The following MMAB variants were observed in gnomAD, a reference collection of about 807,000 sequenced individuals.
The protein encoded by MMAB is metabolism of cobalamin associated B, also known as corrinoid adenosyltransferase MMAB.
MMAB carries 17 observed loss-of-function variants against 30.6 expected under a neutral mutation model. The ratio of observed to expected loss-of-function variants is 0.56; its 90% CI spans 0.38 to 0.83. MMAB has a LOEUF of 0.83. Ranked by LOEUF, MMAB falls within the 40% of genes least tolerant of loss-of-function variation. The pLI is 0.00. For synonymous variants in MMAB, 134 were observed against 138.6 expected, an observed-to-expected ratio of 0.97 and a Z score of 0.23; for missense variants, 311 against 331.6, an observed-to-expected ratio of 0.94 and a Z score of 0.48.
chr12:109,569,194 G>A lies in MMAB; in HGVS notation c.197-331C>T, dbSNP rs369495797. Among the ~76,000 whole-genome samples the A allele has an allele frequency of 7.9e-5, 12 of 152,182 alleles. No homozygotes were observed. Among genetic ancestry groups the A allele is most frequent in the East Asian group, 3.9e-4 (2 of 5,180 alleles). On this transcript the variant is annotated intron_variant, in intron 2 of 8. Transcript: ENST00000545712. The surrounding 1 kb of genome is among the most constrained non-coding windows in gnomAD (Gnocchi z 4.1). ...ACTCCTGGTCTCAAGTGATTCACCC[G>A]CCTCAGCCTCCCAAAGTGCTGAGAT...
intron 3 of MMAB, chr12:109,567,022 C>T (rs1212931962): frequency 1.3e-5 from 6 of 455,706 alleles, no homozygotes; most frequent in African/African-American, 8.0e-5. Flanking sequence ...TAGTCAGGCC[C>T]GCCATGGAGA....
In MMAB at chr12:109,557,150, G is replaced by C; in HGVS notation, c.645-14C>G. On this transcript the variant is annotated splice_polypyrimidine_tract_variant and intron_variant, in intron 8 of 8. Transcript: ENST00000545712. ...TAGTCACTGAGTCTGGAGGGGCAGA[G>C]AGAGAGAAGCAAACAGAATGGTTTG... is the stretch of plus-strand genomic sequence containing the variant. 1 of 1,545,928 alleles carries C rather than the reference G, an allele frequency of 6.5e-7. No homozygotes were observed. The highest frequency in any genetic ancestry group is 8.9e-7 in the Non-Finnish European group (1 of 1,117,814).
chr12:109,561,158 C>A lies in MMAB; in HGVS notation c.520-54G>T. On this transcript the variant is annotated intron_variant, in intron 6 of 8. Transcript: ENST00000545712. The surrounding 1 kb of genome is among the most constrained non-coding windows in gnomAD (Gnocchi z 5.3). ...CAGGGTGGGAAAGGTGTGCCCACTG[C>A]GGACAGGAGCTCCTCTGAAGTCCAG... 6.3e-7 allele frequency: 1 copy of A among 1,598,374 alleles called. No homozygotes were observed.
rs1393437649 is a variant in MMAB, at chr12:109,561,449, G to T, written c.490C>A (p.Leu164Ile). The change falls in exon 6 of 9, where the codon CTC (leucine) becomes ATC (isoleucine). Residue 164 changes from leucine to isoleucine, a missense_variant. Leu to Ile is a conservative substitution (Grantham distance 5). Transcript: ENST00000545712. This position sits in a 1 kb window ranked among gnomAD's most constrained non-coding sequence, Gnocchi z 5.3. The part of the protein sequence containing the change: ...EQWIDKYTSQ[L>I]PPLTAFILPS... ...AGGATGAAGGCCGTGAGTGGTGGGAGCTGGCTGGTGTACTTGTCGATCCAC... is the reference window on the plus strand; with the variant it reads ...AGGATGAAGGCCGTGAGTGGTGGGATCTGGCTGGTGTACTTGTCGATCCAC... The T allele has an allele frequency of 1.9e-6, 3 of 1,550,728 alleles. No homozygotes were observed. Among genetic ancestry groups the T allele is most frequent in the Non-Finnish European group, 2.6e-6 (3 of 1,146,994 alleles).
rs111235348 is a variant in MMAB at position 109,570,873 on chromosome 12, C to CAAAAA, written c.196+771_196+775dup. 1.8e-3 allele frequency among the ~76,000 whole-genome samples: 162 copies of CAAAAA among 92,360 alleles called. 7 individuals carry two copies. The highest frequency in any genetic ancestry group is 3.7e-3 in the African/African-American group (95 of 25,440). The allele number at this position is 92,360 out of a possible 152,430, so 60.6% of individuals were successfully genotyped here. On this transcript the variant is annotated intron_variant, in intron 2 of 8. Coordinates refer to ENST00000545712, the MANE Select transcript of MMAB (RefSeq NM_052845.4). Reference sequence around the variant, plus strand: ...TGGGTGACAGAGTAAAACCCTGTATCAAAAAAAAAAAAAAAAAAGGATCAT... The same window carrying CAAAAA: ...TGGGTGACAGAGTAAAACCCTGTATCAAAAAAAAAAAAAAAAAAAAAAAGGATCAT...
intron 3 of MMAB, chr12:109,567,250 G>A (rs1360204147): frequency 1.4e-5 from 5 of 350,454 alleles, no homozygotes; most frequent in Non-Finnish European, 2.8e-5. Flanking sequence ...GGTGAAACAT[G>A]GAATCATCTC....
chr12:109,569,109 C>T lies in MMAB; in HGVS notation c.197-246G>A, dbSNP rs537691582. Among the ~76,000 whole-genome samples the T allele has an allele frequency of 7.9e-5, 12 of 152,148 alleles. No individual in the cohort carries two copies. Among genetic ancestry groups the T allele is most frequent in the African/African-American group, 2.7e-4 (11 of 41,498 alleles). ...TACAAGTGTGTACCACCATGCCCGG[C>T]TAATTTTTGTATTTTTAGTAGAGAC... On this transcript the variant is annotated intron_variant, in intron 2 of 8. Coordinates refer to ENST00000545712, the MANE Select transcript of MMAB (RefSeq NM_052845.4). This position sits in a 1 kb window ranked among gnomAD's most constrained non-coding sequence, Gnocchi z 4.1.
At chr12:109,571,798 G>A (rs951609793) in intron 1 of MMAB, 88 bp from the exon 2 acceptor site, 11 of 1,111,868 alleles carry the variant, frequency 9.9e-6, no homozygotes, top group African/African-American at 4.6e-5. Context: ...CTTGCTGCTT[G>A]TAACCTCAGA....
At chr12:109,567,051 G>A (rs1180506447) in intron 3 of MMAB, 1 of 455,812 alleles carries the variant, frequency 2.2e-6, no homozygotes, top group African/African-American at 2.0e-5. Flanking sequence ...CCAGGAACAG[G>A]TAAGTGTTAA....
At position 109,555,242 on chromosome 12, in the gene MMAB, C is replaced by A. The variant is rs1313056519; in HGVS notation, c.*1786G>T. 4.4e-6 allele frequency: 2 copies of A among 449,684 alleles called. No homozygotes were observed. Among genetic ancestry groups the A allele is most frequent in the Non-Finnish European group, 8.8e-6 (2 of 226,312 alleles). 27.9% of individuals were successfully genotyped at this position (449,684 alleles called of 1,614,324 possible). ...TCGCTGCAAGCTCTTTGAACATACT[C>A]CCTGACCGAGCCTTAGTGATTGCGT... On this transcript the variant is annotated 3_prime_UTR_variant, in exon 9 of 9. Coordinates refer to ENST00000545712, the MANE Select transcript of MMAB (RefSeq NM_052845.4).
Position 109,553,837 on chromosome 12 carries a change from G to GGGCTGTCGGAAGGTGTCGAGGC in MMAB, c.*3169_*3190dup. On this transcript the variant is annotated 3_prime_UTR_variant, in exon 9 of 9. Transcript: ENST00000545712. ...GGACAGGGCGATCATAAAACTGAAT[G>GGGCTGTCGGAAGGTGTCGAGGC]GGCTGTCGGAAGGTGTCGAGGCAGC... 4.4e-6 allele frequency: 2 copies of GGGCTGTCGGAAGGTGTCGAGGC among 453,680 alleles called. No individual in the cohort carries two copies. The highest frequency in any genetic ancestry group is 8.8e-6 in the Non-Finnish European group (2 of 226,386). 28.1% of individuals were successfully genotyped at this position (453,680 alleles called of 1,614,324 possible).
At chr12:109,567,344 C>T (rs1457873026) in intron 3 of MMAB, among the ~76,000 whole-genome samples, 2 of 152,144 alleles carry the variant, frequency 1.3e-5, no homozygotes, top group Non-Finnish European at 2.9e-5. Context: ...ACAGAGGCCA[C>T]GTGATTTACC....
Position 109,559,128 on chromosome 12 carries a change from C to T in MMAB, c.612G>A (p.Glu204=). ...RRVVPLVQMG[E]TDANVAKFLN... is the part of the protein sequence containing the mutation. Reference sequence around the variant, plus strand: ...AGAACTTGGCCACGTTCGCATCGGTCTCTCCCATCTGGACAAGAGGCACCA... The same window carrying T: ...AGAACTTGGCCACGTTCGCATCGGTTTCTCCCATCTGGACAAGAGGCACCA... Residue 204 remains glutamate (E), a synonymous_variant, in exon 8 of 9, where the codon GAG becomes GAA. Transcript: ENST00000545712. 6.2e-7 allele frequency: 1 copy of T among 1,613,954 alleles called. No homozygotes were observed. Among genetic ancestry groups the T allele is most frequent in the Non-Finnish European group, 8.5e-7 (1 of 1,179,918 alleles).
At chr12:109,571,812 A>C (rs1304379006) in intron 1 of MMAB, 102 bp from the exon 2 acceptor site, 1 of 909,384 alleles carries the variant, frequency 1.1e-6, no homozygotes, top group Non-Finnish European at 1.8e-6. Context: ...CCTCAGAGGC[A>C]GCACTTACCC....
Position 109,561,711 on chromosome 12 carries a change from A to G in MMAB, c.421+69T>C. 1 of 1,452,884 alleles carries G rather than the reference A, an allele frequency of 6.9e-7. No individual in the cohort carries two copies. The highest frequency in any genetic ancestry group is 1.2e-5 in the South Asian group (1 of 82,532). 90.0% of individuals were successfully genotyped at this position (1,452,884 alleles called of 1,614,324 possible). On this transcript the variant is annotated intron_variant, in intron 5 of 8. Transcript: ENST00000545712. The surrounding 1 kb of genome is among the most constrained non-coding windows in gnomAD (Gnocchi z 5.3). ...TGGGTCCCTGGGGGCCTGGGATCCC[A>G]GATGGTGACCCTAGGAGAGTCCCCT... is the stretch of plus-strand genomic sequence containing the variant.
At position 109,561,437 on chromosome 12, in the gene MMAB, T is replaced by C. The variant is rs1191240743; in HGVS notation, c.502A>G (p.Thr168Ala). 1.4e-5 allele frequency: 21 copies of C among 1,550,838 alleles called. No individual in the cohort carries two copies. In the East Asian group the frequency reaches 4.9e-4, roughly 36 times the overall value. Residue 168 changes from threonine to alanine, a missense_variant, in exon 6 of 9, where the codon ACG becomes GCG. By Grantham distance (58) the Thr-to-Ala change is moderately conservative. Coordinates refer to ENST00000545712, the MANE Select transcript of MMAB (RefSeq NM_052845.4). This position sits in a 1 kb window ranked among gnomAD's most constrained non-coding sequence, Gnocchi z 5.3. Reference protein sequence around the residue: ...DKYTSQLPPLTAFILPSGGKI... With the variant: ...DKYTSQLPPLAAFILPSGGKI... Reference sequence around the variant, plus strand: ...GTACCTACAGGCAGGATGAAGGCCGTGAGTGGTGGGAGCTGGCTGGTGTAC... The same window carrying C: ...GTACCTACAGGCAGGATGAAGGCCGCGAGTGGTGGGAGCTGGCTGGTGTAC...
At chr12:109,564,983 G>T in intron 4 of MMAB, 136 bp downstream of exon 4, 1 of 799,364 alleles carries the variant, frequency 1.3e-6, no homozygotes, top group Non-Finnish European at 2.3e-6. Flanking sequence ...GCATTTTACA[G>T]ATGAAGAAAT....
rs978370084 is a variant in MMAB, at chr12:109,559,293, T to A, written c.585-138A>T. The A allele has an allele frequency of 4.1e-6, 3 of 724,686 alleles. No individual in the cohort carries two copies. In the African/African-American group the frequency reaches 5.2e-5, roughly 13 times the overall value. 44.9% of individuals were successfully genotyped at this position (724,686 alleles called of 1,614,324 possible). A position where few individuals can be genotyped will look rare whatever the true frequency, so the allele number is the denominator to read the frequency against. Reference sequence around the variant, plus strand: ...GCACAGGCTCGGCCGGCAGTGGAGATGACAAATCCATCACAGGTGGGTTTA... The same window carrying A: ...GCACAGGCTCGGCCGGCAGTGGAGAAGACAAATCCATCACAGGTGGGTTTA... On this transcript the variant is annotated intron_variant, in intron 7 of 8. Coordinates refer to ENST00000545712, the MANE Select transcript of MMAB (RefSeq NM_052845.4).
chr12:109,559,058 G>A (rs768674664), intron 8 of MMAB, 38 bp downstream of exon 8: 49 of 1,560,830 alleles, frequency 3.1e-5, no homozygotes, highest in Admixed American at 1.0e-4. Flanking sequence ...GATGAGCCTC[G>A]GCTTTCAGAG....
Sources: allele counts gnomAD v4.1 joint callset (sites outside exome capture counted in the v4.1 genomes callset), GRCh38; gene constraint gnomAD v4.1.1; non-coding constraint Gnocchi (gnomAD v3.1); transcripts MANE v1.5; gene names NCBI Gene and HGNC (gene_info 2026-07-23, HGNC 2026-07-21).